The following MYH10 variants were observed in gnomAD, a reference collection of about 807,000 sequenced individuals.
MYH10 encodes the protein myosin heavy chain 10.
In MYH10, 55 loss-of-function variants were observed where a neutral mutation model predicts 257.8. That is an observed-to-expected ratio of 0.21 (90% CI 0.17 to 0.27). The LOEUF is 0.27. MYH10 is among the 10% of genes least tolerant of loss of function. The pLI, the probability that MYH10 is intolerant of heterozygous loss-of-function variation, is 1.00. For synonymous variants in MYH10, 854 were observed against 921.7 expected, an observed-to-expected ratio of 0.93 and a Z score of 1.33; for missense variants, 1,631 against 2,500.6, an observed-to-expected ratio of 0.65 and a Z score of 7.42.
At chr17:8,511,061 C>CATATATATATAT (rs1567823709) in intron 24 of MYH10, 1 of 65,666 alleles carries the variant, frequency 1.5e-5, no homozygotes, top group African/African-American at 5.0e-5. Context: ...TATATATATA[C>CATATATATATAT]ACACATACAT....
intron 17 of MYH10, among the ~76,000 whole-genome samples, chr17:8,522,241 T>C (rs1238309112): frequency 1.3e-5 from 2 of 152,262 alleles, no homozygotes; most frequent in South Asian, 2.1e-4. Flanking sequence ...TTGTTTCCTT[T>C]GACAGAAGCA....
chr17:8,590,452 A>C (rs571996790), intron 3 of MYH10, among the ~76,000 whole-genome samples: 1 of 152,148 alleles, frequency 6.6e-6, no homozygotes, highest in South Asian at 2.1e-4. Flanking sequence ...AGCTGGGACC[A>C]CAGGCAGGTG....
At chr17:8,612,712 G>T (rs1312589978) in intron 2 of MYH10, among the ~76,000 whole-genome samples, 1 of 152,038 alleles carries the variant, frequency 6.6e-6, no homozygotes, top group African/African-American at 2.4e-5. Context: ...TTAGCCAGGC[G>T]TGGTGGCGCA....
In MYH10 at chr17:8,504,968, G is replaced by T; in HGVS notation, c.3387-62C>A. ...TGGCACCCGGATGGCCTGTTTCTCA[G>T]GCGAGCCCCAGCCCCTGAGCACCTC... is the stretch of plus-strand genomic sequence containing the variant. On this transcript the variant is annotated intron_variant, in intron 27 of 42. Coordinates refer to ENST00000360416, the MANE Select transcript of MYH10 (RefSeq NM_001256012.3). The surrounding 1 kb of genome is among the most constrained non-coding windows in gnomAD (Gnocchi z 5.6). 1 of 1,435,594 alleles carries T rather than the reference G, an allele frequency of 7.0e-7. No homozygotes were observed. The highest frequency in any genetic ancestry group is 9.8e-7 in the Non-Finnish European group (1 of 1,024,660). 88.9% of individuals were successfully genotyped at this position (1,435,594 alleles called of 1,614,324 possible).
chr17:8,548,560 G>C, intron 10 of MYH10, 84 bp downstream of exon 10: 1 of 1,512,298 alleles, frequency 6.6e-7, no homozygotes, highest in Non-Finnish European at 9.0e-7. Context: ...TAGTTTCCCA[G>C]TCATTTTCTA....
rs767871582 is a variant in MYH10, at chr17:8,518,999, G to A, written c.2274-49C>T. Reference sequence around the variant, plus strand: ...TATTTTGTAGAAATTTGTGAACGATGTGTATCTACTAACTGTGTGTTTTGC... The same window carrying A: ...TATTTTGTAGAAATTTGTGAACGATATGTATCTACTAACTGTGTGTTTTGC... On this transcript the variant is annotated intron_variant, in intron 19 of 42. Transcript: ENST00000360416. 2.2e-5 allele frequency: 31 copies of A among 1,400,568 alleles called. No homozygotes were observed. The South Asian group carries it at 3.2e-4, about 15-fold the overall frequency. 86.8% of individuals were successfully genotyped at this position (1,400,568 alleles called of 1,614,324 possible).
chr17:8,588,590 T>A (rs991712053), intron 4 of MYH10, among the ~76,000 whole-genome samples: 1 of 152,230 alleles, frequency 6.6e-6, no homozygotes, highest in Non-Finnish European at 1.5e-5. Flanking sequence ...ATCTCTTGCC[T>A]AGATAACTGA....
intron 29 of MYH10, among the ~76,000 whole-genome samples, chr17:8,500,455 G>A (rs10775386): frequency 0.51 from 77,012 of 152,058 alleles, 20,399 homozygotes; most frequent in Middle Eastern, 0.62. Flanking sequence ...AACCCCTGAA[G>A]GGGAACATCG....
At chr17:8,519,060 A>C in intron 19 of MYH10, 110 bp from the exon 20 acceptor site, 2 of 741,970 alleles carry the variant, frequency 2.7e-6, no homozygotes, top group Non-Finnish European at 4.4e-6. Context: ...AATACATGTT[A>C]AAGATATGAT....
chr17:8,513,903 C>T lies in MYH10; in HGVS notation c.2505-9G>A. 4 of 1,610,258 alleles carry T rather than the reference C, an allele frequency of 2.5e-6. No individual in the cohort carries two copies. Among genetic ancestry groups the T allele is most frequent in the Non-Finnish European group, 2.5e-6 (3 of 1,178,242 alleles). On this transcript the variant is annotated splice_polypyrimidine_tract_variant and intron_variant, in intron 21 of 42. Coordinates refer to ENST00000360416, the MANE Select transcript of MYH10 (RefSeq NM_001256012.3). ...GCTTCTTGGCAAAGGCCCTGAAGAA[C>T]AATAAGAAAAACTTATGATGTAAAG...
At chr17:8,585,290 A>G (rs1205361866) in intron 4 of MYH10, among the ~76,000 whole-genome samples, 1 of 137,914 alleles carries the variant, frequency 7.3e-6, no homozygotes, top group African/African-American at 2.7e-5. Context: ...GTGTGTGTGT[A>G]TATATATATA....
intron 7 of MYH10, among the ~76,000 whole-genome samples, chr17:8,566,140 C>T (rs2083160731): frequency 6.6e-6 from 1 of 152,082 alleles, no homozygotes. Flanking sequence ...AAAGATGTCT[C>T]CAGACACCGC....
chr17:8,622,864 G>A lies in MYH10; in HGVS notation c.345+38C>T, dbSNP rs375303189. ...GATGTATAATTTACATTAATTCCTAGCTACCACTTCACATGATTATTTGGA... is the reference window on the plus strand; with the variant it reads ...GATGTATAATTTACATTAATTCCTAACTACCACTTCACATGATTATTTGGA... On this transcript the variant is annotated intron_variant, in intron 2 of 42. Transcript: ENST00000360416. 209 of 1,593,212 alleles carry A rather than the reference G, an allele frequency of 1.3e-4. 1 individual carries two copies. The highest frequency in any genetic ancestry group is 5.0e-4 in the Middle Eastern group (3 of 6,020).
intron 27 of MYH10, among the ~76,000 whole-genome samples, chr17:8,505,270 C>T (rs1037684921): frequency 2.0e-5 from 3 of 152,230 alleles, no homozygotes; most frequent in African/African-American, 7.2e-5. Context: ...CTGCTTCTAA[C>T]TATGAAGGAG....
At chr17:8,624,310 C>T (rs2085588722) in intron 1 of MYH10, among the ~76,000 whole-genome samples, 1 of 152,178 alleles carries the variant, frequency 6.6e-6, no homozygotes, top group Admixed American at 6.5e-5. Flanking sequence ...CAGGATTTTA[C>T]ATCCATCATC....
chr17:8,619,342 C>T (rs888060673), intron 2 of MYH10, among the ~76,000 whole-genome samples: 1 of 151,904 alleles, frequency 6.6e-6, no homozygotes, highest in Non-Finnish European at 1.5e-5. Flanking sequence ...CATGATAAGG[C>T]GTCAGGAGTT....
intron 11 of MYH10, 110 bp downstream of exon 11, chr17:8,548,203 G>T: frequency 1.4e-6 from 1 of 709,750 alleles, no homozygotes; most frequent in Non-Finnish European, 2.4e-6. Flanking sequence ...TCTACTCAAG[G>T]GTCCCTTCAG....
Position 8,576,662 on chromosome 17 carries a change from G to C in MYH10, c.644C>G (p.Pro215Arg). Residue 215 changes from proline (P) to arginine (R), a missense_variant, in exon 6 of 43, where the codon CCT becomes CGT. Pro to Arg is a moderately radical substitution (Grantham distance 103, BLOSUM62 -2). Transcript: ENST00000360416. ...ACTTGCCTGGTGTTTCACTGGTTTA[G>C]GCGATTCCTGCTGTTCATTACAAAC... ...RKDHNIPQES[P>R]KPVKHQGELE... is the part of the protein sequence containing the mutation. The C allele has an allele frequency of 6.4e-7, 1 of 1,550,838 alleles. No individual in the cohort carries two copies. Among genetic ancestry groups the C allele is most frequent in the East Asian group, 2.4e-5 (1 of 40,924 alleles).
intron 17 of MYH10, among the ~76,000 whole-genome samples, chr17:8,524,310 C>T (rs759657655): frequency 3.3e-5 from 5 of 151,804 alleles, no homozygotes; most frequent in East Asian, 1.9e-4. Context: ...ATTAGCTGGG[C>T]GTGGTGGTGC....
Sources: gnomAD v4.1 joint callset for allele counts (sites outside exome capture counted in the v4.1 genomes callset) on GRCh38, gnomAD v4.1.1 for gene constraint, Gnocchi (gnomAD v3.1) non-coding constraint, MANE v1.5 for transcripts, NCBI Gene and HGNC (gene_info 2026-07-23, HGNC 2026-07-21) for gene names.